TBC1D19: variants seen among roughly 807,000 people sequenced by gnomAD.
TBC1D19 encodes TBC1 domain family, member 19.
Under a neutral mutation model 89.0 loss-of-function variants are expected in TBC1D19, and 60 were observed. The observed-to-expected ratio is 0.67, with a 90% CI of 0.55 to 0.84. TBC1D19 has a LOEUF of 0.84. Ranked by LOEUF, TBC1D19 falls within the 40% of genes least tolerant of loss-of-function variation. TBC1D19 has a pLI of 0.00. For synonymous variants in TBC1D19, 189 were observed against 199.7 expected (o/e 0.95, Z 0.45); for missense variants, 500 against 610.8 (o/e 0.82, Z 1.91).
At chr4:26,673,683 A>G (rs190930760) in intron 10 of TBC1D19, 93 bp from the exon 11 acceptor site, 131 of 814,722 alleles carry the variant, frequency 1.6e-4, no homozygotes, top group East Asian at 7.2e-4. Flanking sequence ...GAAAGACTGA[A>G]TATCAGCTTC....
intron 1 of TBC1D19, among the ~76,000 whole-genome samples, chr4:26,610,414 CTT>C (rs757861203): frequency 2.6e-4 from 29 of 112,376 alleles, no homozygotes; most frequent in Admixed American, 5.2e-4. Context: ...TTCTGCATTT[CTT>C]TTTTTTTTTT....
At chr4:26,765,551 G>A in the TBC1D19 span, among the ~76,000 whole-genome samples, 2 of 152,108 alleles carry the variant, frequency 1.3e-5, no homozygotes, top group Admixed American at 1.3e-4. Context: ...TTGATGCCTA[G>A]AGAGTAAGTT....
At chr4:26,809,495 T>G in the TBC1D19 span, among the ~76,000 whole-genome samples, 1 of 152,024 alleles carries the variant, frequency 6.6e-6, no homozygotes, top group Non-Finnish European at 1.5e-5. Flanking sequence ...TCAAAAATGT[T>G]CCCTCTTTCC....
chr4:26,593,059 G>A (rs1465171843), intron 1 of TBC1D19, among the ~76,000 whole-genome samples: 1 of 152,172 alleles, frequency 6.6e-6, no homozygotes, highest in Non-Finnish European at 1.5e-5. Flanking sequence ...GAACAAAGCT[G>A]AAGGCATCAC....
At chr4:26,821,059 G>A in the TBC1D19 span, among the ~76,000 whole-genome samples, 1 of 152,204 alleles carries the variant, frequency 6.6e-6, no homozygotes, top group Non-Finnish European at 1.5e-5. Flanking sequence ...AGGGATGCAT[G>A]GGTGCCAATA....
the TBC1D19 span, among the ~76,000 whole-genome samples, chr4:26,810,211 C>T: frequency 1.9e-3 from 295 of 152,304 alleles, 1 homozygote; most frequent in African/African-American, 6.6e-3. Context: ...ATCAATGCAC[C>T]CTGTATCAGC....
At chr4:26,645,186 C>T (rs148106177) in intron 7 of TBC1D19, among the ~76,000 whole-genome samples, 1,538 of 152,246 alleles carry the variant, frequency 0.01, 17 homozygotes, top group African/African-American at 0.033. Context: ...AAAAAGAGCC[C>T]GCAGTGCCAA....
the TBC1D19 span, among the ~76,000 whole-genome samples, chr4:26,787,719 G>A: frequency 2.6e-5 from 4 of 152,172 alleles, no homozygotes; most frequent in Admixed American, 6.5e-5. Context: ...GGAGGTTACT[G>A]AAGGTTCAGA....
At chr4:26,595,066 T>C (rs1181161266) in intron 1 of TBC1D19, among the ~76,000 whole-genome samples, 2 of 152,222 alleles carry the variant, frequency 1.3e-5, no homozygotes, top group Admixed American at 6.5e-5. Flanking sequence ...CAGCAAGAAA[T>C]GAGAGTGCTG....
At chr4:26,829,873 C>T in the TBC1D19 span, among the ~76,000 whole-genome samples, 4 of 152,144 alleles carry the variant, frequency 2.6e-5, no homozygotes, top group Non-Finnish European at 5.9e-5. Context: ...TAGTAAGCAA[C>T]GTAAACTGAT....
At chr4:26,613,265 T>A in intron 2 of TBC1D19, 24 bp downstream of exon 2, 1 of 1,406,348 alleles carries the variant, frequency 7.1e-7, no homozygotes, top group Non-Finnish European at 9.8e-7. Context: ...TCCTAATAAC[T>A]TAAGGCAAAA....
At chr4:26,732,548 G>A (rs183787995) in intron 15 of TBC1D19, among the ~76,000 whole-genome samples, 280 of 152,332 alleles carry the variant, frequency 1.8e-3, no homozygotes, top group African/African-American at 6.4e-3. Context: ...TGCAGCAAGG[G>A]GGAAGGGATG....
chr4:26,800,463 C>T, the TBC1D19 span, among the ~76,000 whole-genome samples: 1 of 152,198 alleles, frequency 6.6e-6, no homozygotes, highest in African/African-American at 2.4e-5. Flanking sequence ...CCGCAATAAA[C>T]ATACGTGTGC....
chr4:26,776,728 T>A, the TBC1D19 span, among the ~76,000 whole-genome samples: 2 of 152,202 alleles, frequency 1.3e-5, no homozygotes, highest in East Asian at 3.8e-4. Context: ...TTTAGTTACA[T>A]GTAAAATGCT....
chr4:26,588,555 T>C (rs1375287156), intron 1 of TBC1D19, among the ~76,000 whole-genome samples: 1 of 152,174 alleles, frequency 6.6e-6, no homozygotes, highest in East Asian at 1.9e-4. Context: ...ATGCTCTAAA[T>C]TTCTTTCTAT....
At chr4:26,764,725 A>T in the TBC1D19 span, among the ~76,000 whole-genome samples, 2 of 152,208 alleles carry the variant, frequency 1.3e-5, no homozygotes, top group South Asian at 4.1e-4. Context: ...CTAGAAAAGA[A>T]GAGAAATAAA....
At chr4:26,603,685 T>G (rs1740778049) in intron 1 of TBC1D19, among the ~76,000 whole-genome samples, 1 of 152,208 alleles carries the variant, frequency 6.6e-6, no homozygotes, top group Non-Finnish European at 1.5e-5. Flanking sequence ...TGCAAAAATG[T>G]AAAACAGTGC....
chr4:26,835,703 G>C, the TBC1D19 span, among the ~76,000 whole-genome samples: 1 of 152,080 alleles, frequency 6.6e-6, no homozygotes, highest in Non-Finnish European at 1.5e-5. Flanking sequence ...TAGTTGCCCT[G>C]CCTCCCTTCA....
chr4:26,714,298 A>C (rs139968893), intron 13 of TBC1D19, among the ~76,000 whole-genome samples: 1 of 152,032 alleles, frequency 6.6e-6, no homozygotes, highest in Admixed American at 6.6e-5. Context: ...TTTAGGGTAC[A>C]TGTGCACAAC....
Sources: gnomAD v4.1 joint callset for allele counts (sites outside exome capture counted in the v4.1 genomes callset) on GRCh38, gnomAD v4.1.1 for gene constraint, MANE v1.5 for transcripts, NCBI Gene and HGNC (gene_info 2026-07-23, HGNC 2026-07-21) for gene names.